The following NRXN3 variants were observed in gnomAD, a reference collection of about 807,000 sequenced individuals.
NRXN3 encodes neurexin III.
NRXN3 carries 32 observed loss-of-function variants against 137.6 expected under a neutral mutation model. That is an observed-to-expected ratio of 0.23 (90% CI 0.18 to 0.31). The LOEUF is 0.31. NRXN3 is among the 10% of genes least tolerant of loss of function. NRXN3 has a pLI of 1.00. For synonymous variants in NRXN3, 798 were observed against 784.5 expected (o/e 1.02, Z -0.29); for missense variants, 1,574 against 2,062.5 (o/e 0.76, Z 4.59).
At chr14:78,291,049 A>C (rs2075756807) in intron 3 of NRXN3, among the ~76,000 whole-genome samples, 1 of 152,196 alleles carries the variant, frequency 6.6e-6, no homozygotes, top group South Asian at 2.1e-4. Flanking sequence ...GGCCCTTTAA[A>C]CCATGCTGAG....
At position 79,206,529 on chromosome 14, in the gene NRXN3, A is replaced by C. The variant is rs147941550; in HGVS notation, c.3262+218388A>C. ...TCCAGAGACAGGTGGTGAGAATTCC[A>C]TGAGCTGAAGTATACAAGTATTTAA... On this transcript the variant is annotated intron_variant, in intron 15 of 20. Transcript: ENST00000335750. Among the ~76,000 whole-genome samples, 7 of 152,344 alleles carry C rather than the reference A, an allele frequency of 4.6e-5. No individual in the cohort carries two copies. In the East Asian group the frequency reaches 1.4e-3, roughly 29 times the overall value.
chr14:79,681,975 T>C (rs1355975856), intron 17 of NRXN3, among the ~76,000 whole-genome samples: 1 of 152,154 alleles, frequency 6.6e-6, no homozygotes, highest in Non-Finnish European at 1.5e-5. Flanking sequence ...TTTTTCCTTT[T>C]TTTCTCTATG....
chr14:79,273,630 T>C (rs1273920337), intron 15 of NRXN3, among the ~76,000 whole-genome samples: 1 of 152,144 alleles, frequency 6.6e-6, no homozygotes, highest in African/African-American at 2.4e-5. Flanking sequence ...TGAGACTCCG[T>C]CTCAAAATAA....
chr14:79,667,919 G>C (rs1401866830), intron 17 of NRXN3, among the ~76,000 whole-genome samples: 1 of 152,000 alleles, frequency 6.6e-6, no homozygotes, highest in African/African-American at 2.4e-5. Flanking sequence ...TGGGTGGCCG[G>C]TGATACTGTC....
At chr14:79,138,056 G>GA (rs1317892224) in intron 15 of NRXN3, among the ~76,000 whole-genome samples, 1 of 152,054 alleles carries the variant, frequency 6.6e-6, no homozygotes, top group Non-Finnish European at 1.5e-5. Flanking sequence ...CAAATACTTT[G>GA]AAAAAAACAA....
rs542092426 is a variant in NRXN3, at chr14:79,370,134, C to T, written c.3263-97087C>T. ...GAACTTGGCTTCACTTCTATCCCCA[C>T]CATTTAGTAAGGAAGAACAGCCCCA... is the stretch of plus-strand genomic sequence containing the variant. On this transcript the variant is annotated intron_variant, in intron 15 of 20. Coordinates refer to ENST00000335750, the MANE Select transcript of NRXN3 (RefSeq NM_001330195.2). Among the ~76,000 whole-genome samples, 5 of 152,274 alleles carry T rather than the reference C, an allele frequency of 3.3e-5. No individual in the cohort carries two copies. In the South Asian group the frequency reaches 1.0e-3, roughly 32 times the overall value.
Position 78,672,990 on chromosome 14 carries a change from A to C in NRXN3, c.1221+21664A>C, listed in dbSNP as rs897031588. On this transcript the variant is annotated intron_variant, in intron 6 of 20. Coordinates refer to ENST00000335750, the MANE Select transcript of NRXN3 (RefSeq NM_001330195.2). ...AGAGATTTGAAAATTGTGGACTCTG[A>C]TAACACTGCTAGTTGTCATGTTTTT... is the stretch of plus-strand genomic sequence containing the variant. Among the ~76,000 whole-genome samples, 6 of 152,222 alleles carry C rather than the reference A, an allele frequency of 3.9e-5. No individual in the cohort carries two copies. The East Asian group carries it at 9.6e-4, about 24-fold the overall frequency.
At chr14:79,596,238 C>G (rs2097857592) in intron 16 of NRXN3, among the ~76,000 whole-genome samples, 1 of 152,026 alleles carries the variant, frequency 6.6e-6, no homozygotes, top group South Asian at 2.1e-4. Context: ...AAGGGTTCAG[C>G]CTGGCTTAGT....
At chr14:79,091,086 A>AAAT (rs1252172699) in intron 15 of NRXN3, among the ~76,000 whole-genome samples, 1 of 152,104 alleles carries the variant, frequency 6.6e-6, no homozygotes, top group Non-Finnish European at 1.5e-5. Flanking sequence ...AAAAAAAAAA[A>AAAT]AAAAGTGGTC....
intron 10 of NRXN3, among the ~76,000 whole-genome samples, chr14:78,901,730 G>C (rs1202728953): frequency 2.0e-5 from 3 of 152,050 alleles, no homozygotes; most frequent in Non-Finnish European, 4.4e-5. Context: ...AGGTGGGCCA[G>C]ATGGGGCACA....
In NRXN3 at chr14:78,215,680, A is replaced by G. The variant is rs564053765; in HGVS notation, c.-703-26711A>G. On this transcript the variant is annotated intron_variant, in intron 1 of 20. Coordinates refer to ENST00000335750, the MANE Select transcript of NRXN3 (RefSeq NM_001330195.2). ...GAACTGGGGAAATAGACTAGGAAGCACCCTTGTCCACAGCTGTTTCCTGCC... is the reference window on the plus strand; with the variant it reads ...GAACTGGGGAAATAGACTAGGAAGCGCCCTTGTCCACAGCTGTTTCCTGCC... Among the ~76,000 whole-genome samples, 383 of 147,688 alleles carry G rather than the reference A, an allele frequency of 2.6e-3. 1 individual carries two copies. Among genetic ancestry groups the G allele is most frequent in the Non-Finnish European group, 4.4e-3 (296 of 67,538 alleles).
chr14:78,171,448 G>A (rs973672608), intron 1 of NRXN3, among the ~76,000 whole-genome samples: 1 of 152,002 alleles, frequency 6.6e-6, no homozygotes, highest in Admixed American at 6.6e-5. Flanking sequence ...TTAGTAGCAG[G>A]CTTGCCTGAA....
chr14:79,157,690 A>G (rs1412027867), intron 15 of NRXN3, among the ~76,000 whole-genome samples: 1 of 151,850 alleles, frequency 6.6e-6, no homozygotes, highest in Non-Finnish European at 1.5e-5. Context: ...TTGATGGATA[A>G]GTGACTCAAA....
chr14:78,397,908 A>C, intron 4 of NRXN3, among the ~76,000 whole-genome samples: 1 of 151,054 alleles, frequency 6.6e-6, no homozygotes, highest in South Asian at 2.1e-4. Flanking sequence ...CCTGGCCTGA[A>C]GTGCTTTTAA....
At chr14:79,197,043 C>T (rs996737730) in intron 15 of NRXN3, among the ~76,000 whole-genome samples, 3 of 152,182 alleles carry the variant, frequency 2.0e-5, no homozygotes, top group African/African-American at 7.2e-5. Context: ...AGCTCTATTA[C>T]ACATCTCTTA....
chr14:79,248,785 G>A (rs1794375847), intron 15 of NRXN3: 1 of 152,174 alleles, frequency 6.6e-6, no homozygotes, highest in African/African-American at 2.4e-5. Flanking sequence ...TCCAAAGCTA[G>A]CTTAAGGGAA....
chr14:79,358,354 C>T (rs989505289), intron 15 of NRXN3, among the ~76,000 whole-genome samples: 2 of 151,500 alleles, frequency 1.3e-5, no homozygotes, highest in Non-Finnish European at 1.5e-5. Flanking sequence ...GCCGATCACG[C>T]GGTCAGGAGA....
intron 1 of NRXN3, among the ~76,000 whole-genome samples, chr14:78,182,763 G>A (rs561994846): frequency 3.2e-4 from 48 of 152,284 alleles, no homozygotes; most frequent in African/African-American, 1.1e-3. Context: ...GAGCCACTGC[G>A]CCTGGCCTAT....
intron 4 of NRXN3, among the ~76,000 whole-genome samples, chr14:78,500,376 G>A (rs2095858476): frequency 6.6e-6 from 1 of 152,124 alleles, no homozygotes; most frequent in Non-Finnish European, 1.5e-5. Context: ...AAAGGGAACA[G>A]TTTTAAGTTT....
Sources: allele counts gnomAD v4.1 joint callset (sites outside exome capture counted in the v4.1 genomes callset), GRCh38; gene constraint gnomAD v4.1.1; transcripts MANE v1.5; gene names NCBI Gene and HGNC (gene_info 2026-07-23, HGNC 2026-07-21).